The following ZNF367 variants were observed in gnomAD, a reference collection of about 807,000 sequenced individuals.
The protein encoded by ZNF367 is zinc finger protein 367, also known as C2H2 zinc finger protein ZFF29.
ZNF367 carries 11 observed loss-of-function variants against 31.8 expected under a neutral mutation model. The observed-to-expected ratio is 0.35, with a 90% CI of 0.22 to 0.57. The LOEUF is 0.57. Among genes scored for constraint, ZNF367 ranks in the 20% least tolerant of loss-of-function variants. The pLI, the probability that ZNF367 is intolerant of heterozygous loss-of-function variation, is 0.85. For missense variants in ZNF367, 353 were observed against 484.1 expected, an observed-to-expected ratio of 0.73 and a Z score of 2.54; for synonymous variants, 199 against 202.4, an observed-to-expected ratio of 0.98 and a Z score of 0.14.
chr9:96,407,827 A>G, intron 1 of ZNF367: 1 of 885,682 alleles, frequency 1.1e-6, no homozygotes. Context: ...GTTAGCCAGG[A>G]TGGTCTCGAT....
At position 96,417,807 on chromosome 9, in the gene ZNF367, T is replaced by C; in HGVS notation, c.226A>G (p.Asn76Asp). The C allele has an allele frequency of 7.2e-7, 1 of 1,396,640 alleles. No individual in the cohort carries two copies. 86.5% of individuals were successfully genotyped at this position (1,396,640 alleles called of 1,614,324 possible). A position where few individuals can be genotyped will look rare whatever the true frequency, so the allele number is the denominator to read the frequency against. Reference sequence around the variant, plus strand: ...GGGCTGAGCGTCACGTTGTGTGCGTTCTCGCCCCAGCGCCACGGGTACACC... The same window carrying C: ...GGGCTGAGCGTCACGTTGTGTGCGTCCTCGCCCCAGCGCCACGGGTACACC... Reference protein sequence around the residue: ...FMVYPWRWGENAHNVTLSPGA... With the variant: ...FMVYPWRWGEDAHNVTLSPGA... Residue 76 changes from asparagine (N) to aspartate (D), a missense_variant, in exon 1 of 5, where the codon AAC (asparagine) becomes GAC (aspartate). By Grantham distance (23) the Asn-to-Asp change is conservative. Transcript: ENST00000375256. The surrounding 1 kb of genome is among the most constrained non-coding windows in gnomAD (Gnocchi z 5.0).
intron 1 of ZNF367, among the ~76,000 whole-genome samples, chr9:96,415,498 T>A (rs1183885073): frequency 1.8e-5 from 2 of 108,554 alleles, no homozygotes; most frequent in Non-Finnish European, 1.9e-5. Context: ...TTTTTTTTTT[T>A]TTTTTTTTTT....
chr9:96,416,601 T>C (rs1459956161), intron 1 of ZNF367, among the ~76,000 whole-genome samples: 2 of 152,230 alleles, frequency 1.3e-5, no homozygotes, highest in African/African-American at 4.8e-5. Flanking sequence ...CTGATACAGA[T>C]GCAGTTATCC....
At chr9:96,400,879 A>G (rs1831594931) in intron 1 of ZNF367, among the ~76,000 whole-genome samples, 1 of 152,238 alleles carries the variant, frequency 6.6e-6, no homozygotes, top group African/African-American at 2.4e-5. Context: ...CCACACCAAG[A>G]CATTTTGTAA....
intron 1 of ZNF367, among the ~76,000 whole-genome samples, chr9:96,415,478 C>CTTTTTTTTT (rs1564146059): frequency 3.1e-5 from 2 of 65,520 alleles, no homozygotes; most frequent in Admixed American, 2.1e-4. Flanking sequence ...TTAGTTTCTT[C>CTTTTTTTTT]ATTTTTTTTT....
intron 1 of ZNF367, among the ~76,000 whole-genome samples, chr9:96,414,761 C>G (rs1831796378): frequency 6.6e-6 from 1 of 152,286 alleles, no homozygotes; most frequent in Admixed American, 6.5e-5. Context: ...CAGGCGTGAG[C>G]CTCCGCGCCT....
chr9:96,406,863 G>A (rs1020056733), intron 1 of ZNF367, among the ~76,000 whole-genome samples: 2 of 151,682 alleles, frequency 1.3e-5, no homozygotes, highest in African/African-American at 2.4e-5. Context: ...TTAGCTGGGC[G>A]CGGTGGGGGG....
intron 4 of ZNF367, 57 bp downstream of exon 4, chr9:96,392,341 C>T (rs2131071032): frequency 6.2e-7 from 1 of 1,612,492 alleles, no homozygotes. Context: ...AGGTCCCTGA[C>T]ATAGCCCCAG....
At position 96,387,291 on chromosome 9, in the gene ZNF367, A is replaced by G. The variant is rs1831416865; in HGVS notation, c.*946T>C. ...TAAATATGGAGGCTTCCATTTGCTA[A>G]TAATTCTAAACAAGCAGTACAATTA... is the stretch of plus-strand genomic sequence containing the variant. On this transcript the variant is annotated 3_prime_UTR_variant, in exon 5 of 5. Coordinates refer to ENST00000375256, the MANE Select transcript of ZNF367 (RefSeq NM_153695.4). 6.6e-6 allele frequency: 1 copy of G among 152,218 alleles called. No individual in the cohort carries two copies. Among genetic ancestry groups the G allele is most frequent in the Admixed American group, 6.5e-5 (1 of 15,280 alleles). 9.4% of individuals were successfully genotyped at this position (152,218 alleles called of 1,614,324 possible). A position where few individuals can be genotyped will look rare whatever the true frequency, so the allele number is the denominator to read the frequency against.
intron 1 of ZNF367, among the ~76,000 whole-genome samples, chr9:96,408,778 A>G (rs1164247097): frequency 1.3e-5 from 2 of 152,250 alleles, no homozygotes; most frequent in African/African-American, 2.4e-5. Context: ...CACAATTTTT[A>G]AAATGTCAGA....
chr9:96,404,867 G>A (rs1160961888), intron 1 of ZNF367, among the ~76,000 whole-genome samples: 1 of 151,696 alleles, frequency 6.6e-6, no homozygotes, highest in African/African-American at 2.4e-5. Context: ...ATCTGATAAG[G>A]GCCTAGTATC....
intron 1 of ZNF367, among the ~76,000 whole-genome samples, chr9:96,409,316 A>G (rs1239726479): frequency 6.6e-6 from 1 of 152,228 alleles, no homozygotes; most frequent in African/African-American, 2.4e-5. Flanking sequence ...CGGTTCTACC[A>G]TCTCTGTTTT....
At chr9:96,410,192 G>A (rs1469421100) in intron 1 of ZNF367, among the ~76,000 whole-genome samples, 2 of 151,442 alleles carry the variant, frequency 1.3e-5, no homozygotes, top group African/African-American at 4.9e-5. Context: ...CCTGGGAGGC[G>A]GAGGTTGCAG....
At chr9:96,392,742 C>T (rs1831486612) in intron 3 of ZNF367, among the ~76,000 whole-genome samples, 1 of 152,174 alleles carries the variant, frequency 6.6e-6, no homozygotes, top group Admixed American at 6.5e-5. Flanking sequence ...TTGGTCGTGG[C>T]CATGTGTGTC....
At chr9:96,392,292 G>T (rs892723160) in intron 4 of ZNF367, 106 bp downstream of exon 4, 3 of 1,509,524 alleles carry the variant, frequency 2.0e-6, no homozygotes, top group Non-Finnish European at 2.7e-6. Context: ...GTTATAAAAT[G>T]TGTATAAATG....
chr9:96,407,859 G>A, intron 1 of ZNF367: 1 of 609,172 alleles, frequency 1.6e-6, no homozygotes, highest in Non-Finnish European at 2.7e-6. Context: ...GCCCGCCTTA[G>A]CCTCCCAAAG....
intron 4 of ZNF367, among the ~76,000 whole-genome samples, chr9:96,389,869 A>G (rs542241183): frequency 1.4e-5 from 2 of 146,118 alleles, no homozygotes; most frequent in South Asian, 4.4e-4. Context: ...AGCTGGAATT[A>G]TAGGCGCCCA....
chr9:96,394,819 G>A lies in ZNF367; in HGVS notation c.691+4C>T, dbSNP rs373991437. On this transcript the variant is annotated splice_donor_region_variant and intron_variant, in intron 3 of 4. Coordinates refer to ENST00000375256, the MANE Select transcript of ZNF367 (RefSeq NM_153695.4). ...TTCCATAAACTTAACTTCTAACACCGTACCATTTTCTGAACAAACAAAAGG... is the reference window on the plus strand; with the variant it reads ...TTCCATAAACTTAACTTCTAACACCATACCATTTTCTGAACAAACAAAAGG... 20 of 1,612,970 alleles carry A rather than the reference G, an allele frequency of 1.2e-5. 1 individual carries two copies. Among genetic ancestry groups the A allele is most frequent in the Admixed American group, 6.7e-5 (4 of 59,982 alleles).
chr9:96,395,004 G>A lies in ZNF367; in HGVS notation c.572-62C>T, dbSNP rs1831513692. On this transcript the variant is annotated intron_variant, in intron 2 of 4. Transcript: ENST00000375256. ...ATAAGGCCAGAAGAGGAGGGGGATG[G>A]GGAGAGAATCAGCCTTTATATAGGT... 3.1e-6 allele frequency: 5 copies of A among 1,588,326 alleles called. No individual in the cohort carries two copies. The Admixed American group carries it at 6.8e-5, about 21-fold the overall frequency.
Sources: allele counts gnomAD v4.1 joint callset (sites outside exome capture counted in the v4.1 genomes callset), GRCh38; gene constraint gnomAD v4.1.1; non-coding constraint Gnocchi (gnomAD v3.1); transcripts MANE v1.5; gene names NCBI Gene and HGNC (gene_info 2026-07-23, HGNC 2026-07-21).